Variants in IL17RD observed in about 807,000 individuals in gnomAD.
The protein encoded by IL17RD is interleukin-17 receptor D.
IL17RD carries 52 observed loss-of-function variants against 80.5 expected under a neutral mutation model. The ratio of observed to expected loss-of-function variants is 0.65; its 90% confidence interval spans 0.52 to 0.81. The LOEUF is 0.81. Ranked by LOEUF, IL17RD falls within the 40% of genes least tolerant of loss-of-function variation. IL17RD has a pLI of 0.00. For missense variants in IL17RD, 1,024 were observed against 955.1 expected (o/e 1.07, Z -0.95); for synonymous variants, 416 against 391.8 (o/e 1.06, Z -0.73).
intron 1 of IL17RD, among the ~76,000 whole-genome samples, chr3:57,141,546 T>A (rs1002918963): frequency 2.0e-5 from 3 of 152,366 alleles, no homozygotes; most frequent in Admixed American, 2.0e-4. Context: ...GCAGAACAAC[T>A]AGTGATTATT....
chr3:57,110,436 G>A lies in IL17RD; in HGVS notation c.311-125C>T, dbSNP rs190016662. The A allele has an allele frequency of 1.0e-3, 1,085 of 1,041,722 alleles. 7 individuals carry two copies. In the African/African-American group the frequency reaches 0.016, roughly 15 times the overall value. 64.5% of individuals were successfully genotyped at this position (1,041,722 alleles called of 1,614,324 possible). A position where few individuals can be genotyped will look rare whatever the true frequency, so the allele number is the denominator to read the frequency against. On this transcript the variant is annotated intron_variant, in intron 3 of 12. Transcript: ENST00000296318. ...GTTAAAGGAATTCTAACTGTGGCCA[G>A]GGTATCTGAGTCTATAGAATGGAAA...
At chr3:57,116,964 AT>A (rs1707229780) in intron 2 of IL17RD, among the ~76,000 whole-genome samples, 1 of 151,716 alleles carries the variant, frequency 6.6e-6, no homozygotes, top group South Asian at 2.1e-4. Flanking sequence ...GTGGTCCATA[AT>A]GAAAGAGAAT....
At chr3:57,114,053 G>A (rs764929518) in intron 3 of IL17RD, among the ~76,000 whole-genome samples, 1 of 145,608 alleles carries the variant, frequency 6.9e-6, no homozygotes, top group Non-Finnish European at 1.5e-5. Flanking sequence ...GTGTGGTGGT[G>A]GGCACTTATA....
At chr3:57,135,023 G>T (rs969125623) in intron 1 of IL17RD, among the ~76,000 whole-genome samples, 2 of 152,102 alleles carry the variant, frequency 1.3e-5, no homozygotes, top group African/African-American at 2.4e-5. Context: ...TGGAAGGATG[G>T]CTTGAGCCCA....
chr3:57,156,726 G>T (rs1259399635), intron 1 of IL17RD, among the ~76,000 whole-genome samples: 2 of 152,158 alleles, frequency 1.3e-5, no homozygotes, highest in East Asian at 1.9e-4. Flanking sequence ...ACATACACAG[G>T]CAAACTTCAA....
chr3:57,117,027 T>C (rs1707231058), intron 2 of IL17RD, among the ~76,000 whole-genome samples: 2 of 152,134 alleles, frequency 1.3e-5, no homozygotes, highest in Non-Finnish European at 2.9e-5. Context: ...GTTGTTGTTG[T>C]CATTGTTTTC....
chr3:57,152,722 T>C lies in IL17RD; in HGVS notation c.126+12439A>G, dbSNP rs542364431. ...AAAAGCCATGTAATTAGGTAGAAGA[T>C]AATAATTCAAGTTAAACTAATGAAA... On this transcript the variant is annotated intron_variant, in intron 1 of 12. Transcript: ENST00000296318. Among the ~76,000 whole-genome samples, 12 of 152,316 alleles carry C rather than the reference T, an allele frequency of 7.9e-5. No homozygotes were observed. In the East Asian group the frequency reaches 1.9e-3, roughly 24 times the overall value.
intron 1 of IL17RD, among the ~76,000 whole-genome samples, chr3:57,164,538 G>A (rs959605091): frequency 8.5e-5 from 13 of 152,246 alleles, no homozygotes; most frequent in African/African-American, 2.6e-4. Context: ...GATATCAGCC[G>A]CGAGACCTTC....
chr3:57,163,707 A>T (rs916247065), intron 1 of IL17RD, among the ~76,000 whole-genome samples: 1 of 150,938 alleles, frequency 6.6e-6, no homozygotes, highest in Admixed American at 6.6e-5. Flanking sequence ...AAGAGCAGTA[A>T]TGTTTTACTG....
chr3:57,169,548 A>G (rs1361525168), upstream of IL17RD, among the ~76,000 whole-genome samples: 1 of 152,214 alleles, frequency 6.6e-6, no homozygotes, highest in African/African-American at 2.4e-5. Context: ...GAAACATAAA[A>G]AAAGATAAAG....
rs189666694 is a variant in IL17RD, at chr3:57,144,503, C to T, written c.126+20658G>A. Among the ~76,000 whole-genome samples the T allele has an allele frequency of 2.0e-5, 3 of 152,302 alleles. No homozygotes were observed. The East Asian group carries it at 5.8e-4, about 29-fold the overall frequency. ...TAAAGCTTATCTCTGTTTTTATCTT[C>T]TCTGTCTCCCTGGTCCCTTTAAGTC... On this transcript the variant is annotated intron_variant, in intron 1 of 12. Coordinates refer to ENST00000296318, the MANE Select transcript of IL17RD (RefSeq NM_017563.5).
chr3:57,162,711 G>C (rs2060313952), intron 1 of IL17RD, among the ~76,000 whole-genome samples: 1 of 152,176 alleles, frequency 6.6e-6, no homozygotes, highest in Admixed American at 6.5e-5. Flanking sequence ...GGAAATACAG[G>C]ATTTAGCAGG....
chr3:57,156,319 G>C (rs1579321487), intron 1 of IL17RD, among the ~76,000 whole-genome samples: 1 of 152,114 alleles, frequency 6.6e-6, no homozygotes, highest in Non-Finnish European at 1.5e-5. Flanking sequence ...GGTGGCTCAT[G>C]TCTGTAAACC....
intron 1 of IL17RD, among the ~76,000 whole-genome samples, chr3:57,125,364 G>A (rs759260842): frequency 7.9e-5 from 12 of 151,884 alleles, no homozygotes; most frequent in Non-Finnish European, 1.3e-4. Context: ...CCAAGATCGC[G>A]CCATTTCACT....
At position 57,114,696 on chromosome 3, in the gene IL17RD, G is replaced by T. The variant is rs747837308; in HGVS notation, c.306C>A (p.Ala102=). Residue 102 remains alanine (A), a synonymous_variant, in exon 3 of 13, where the codon GCC becomes GCA. Coordinates refer to ENST00000296318, the MANE Select transcript of IL17RD (RefSeq NM_017563.5). ...VAVTILWSPG[A]LGIEFLKGFR... ...ACTCGATTTTTGACCACTCACCGAG[G>T]GCCCCTGGGGACCAAAGAATGGTGA... 6.8e-6 allele frequency: 11 copies of T among 1,607,460 alleles called. No homozygotes were observed. In the Admixed American group the frequency reaches 1.9e-4, roughly 27 times the overall value.
chr3:57,134,356 G>A (rs1391708953), intron 1 of IL17RD: 3 of 693,190 alleles, frequency 4.3e-6, no homozygotes, highest in Admixed American at 1.8e-5. Context: ...TGGAAGGGCA[G>A]GCACATGGGC....
intron 1 of IL17RD, among the ~76,000 whole-genome samples, chr3:57,142,963 C>G (rs1707858759): frequency 6.6e-6 from 1 of 152,092 alleles, no homozygotes; most frequent in Admixed American, 6.5e-5. Flanking sequence ...CCTTCATTTT[C>G]AGAGGGGTTG....
chr3:57,132,136 A>G (rs1707622470), intron 1 of IL17RD, among the ~76,000 whole-genome samples: 1 of 151,538 alleles, frequency 6.6e-6, no homozygotes, highest in East Asian at 1.9e-4. Flanking sequence ...TAGTGAGCCG[A>G]GATCACACCA....
At chr3:57,164,857 G>A (rs1168413343) in intron 1 of IL17RD, 2 of 1,141,714 alleles carry the variant, frequency 1.8e-6, no homozygotes, top group African/African-American at 1.7e-5. Context: ...ACAAAGGGTG[G>A]GGCGCCCGGC....
Sources: allele counts gnomAD v4.1 joint callset (sites outside exome capture counted in the v4.1 genomes callset), GRCh38; gene constraint gnomAD v4.1.1; transcripts MANE v1.5; gene names NCBI Gene and HGNC (gene_info 2026-07-23, HGNC 2026-07-21).